Variants in MEGF6 observed in about 807,000 individuals in gnomAD.
MEGF6 encodes multiple EGF like domains 6, also known as multiple epidermal growth factor-like domains protein 6.
MEGF6 carries 184 observed loss-of-function variants against 207.1 expected under a neutral mutation model. That is an observed-to-expected ratio of 0.89 (90% CI 0.79 to 1.00). The LOEUF (loss-of-function observed/expected upper bound fraction) is 1.00. MEGF6 is among the 50% of genes least tolerant of loss of function. MEGF6 has a pLI of 0.00. For missense variants in MEGF6, 2,282 were observed against 2,202.9 expected (o/e 1.04, Z -0.72); for synonymous variants, 1,038 against 910.0 (o/e 1.14, Z -2.53).
chr1:3,490,692 C>G (rs2100799874), intron 36 of MEGF6, 103 bp from the exon 37 acceptor site: 1 of 1,264,252 alleles, frequency 7.9e-7, no homozygotes, highest in East Asian at 2.5e-5. Context: ...CTCCCTTCAG[C>G]AGCTCAGCCC....
At chr1:3,583,253 G>C (rs1643842914) in intron 3 of MEGF6, among the ~76,000 whole-genome samples, 1 of 151,914 alleles carries the variant, frequency 6.6e-6, no homozygotes, top group Admixed American at 6.6e-5. Context: ...CCGCACTGCA[G>C]CATGTGCTGA....
At chr1:3,576,193 C>G (rs865851449) in intron 4 of MEGF6, among the ~76,000 whole-genome samples, 1 of 152,254 alleles carries the variant, frequency 6.6e-6, no homozygotes, top group African/African-American at 2.4e-5. Flanking sequence ...CTCCACCCTC[C>G]GGGCAGACAG....
rs141620055 is a variant in MEGF6 at position 3,580,812 on chromosome 1, G to A, written c.377-883C>T. Among the ~76,000 whole-genome samples, 229 of 152,230 alleles carry A rather than the reference G, an allele frequency of 1.5e-3. 1 individual carries two copies. The highest frequency in any genetic ancestry group is 5.2e-3 in the African/African-American group (217 of 41,540). ...CCTGAGGGGTGCTTGCTGGGTGACT[G>A]CATGGTCAGCACAGTGACCTGAGAC... On this transcript the variant is annotated intron_variant, in intron 3 of 36. Transcript: ENST00000356575.
At chr1:3,521,770 C>T (rs1022838484) in intron 5 of MEGF6, among the ~76,000 whole-genome samples, 3 of 152,204 alleles carry the variant, frequency 2.0e-5, no homozygotes, top group Non-Finnish European at 2.9e-5. Context: ...CCCAGGAACT[C>T]GCCATCTGGT....
intron 5 of MEGF6, among the ~76,000 whole-genome samples, chr1:3,516,732 AG>A (rs923073070): frequency 6.6e-6 from 1 of 152,192 alleles, no homozygotes; most frequent in Non-Finnish European, 1.5e-5. Flanking sequence ...GAGAAGGCAA[AG>A]CCCCCTCAGA....
upstream of MEGF6, among the ~76,000 whole-genome samples, chr1:3,613,940 C>T (rs1410283720): frequency 3.3e-5 from 5 of 152,064 alleles, no homozygotes; most frequent in Non-Finnish European, 7.4e-5. Context: ...TTGTGTTGAG[C>T]AGCTGGGGGA....
At chr1:3,518,478 C>A in intron 5 of MEGF6, among the ~76,000 whole-genome samples, 1 of 152,154 alleles carries the variant, frequency 6.6e-6, no homozygotes, top group East Asian at 1.9e-4. Flanking sequence ...GGTCTCTGCT[C>A]GAGGCGCAGC....
chr1:3,547,997 G>A (rs982522398), intron 4 of MEGF6, among the ~76,000 whole-genome samples: 2 of 152,104 alleles, frequency 1.3e-5, no homozygotes, highest in Non-Finnish European at 2.9e-5. Context: ...CACCCCTGCT[G>A]AACTGCACCA....
intron 4 of MEGF6, among the ~76,000 whole-genome samples, chr1:3,547,813 G>A (rs931568976): frequency 6.6e-6 from 1 of 152,188 alleles, no homozygotes; most frequent in Non-Finnish European, 1.5e-5. Context: ...GCCTGGTTCA[G>A]GCAGCAGGAC....
rs116097279 is a variant in MEGF6 at position 3,500,488 on chromosome 1, C to T, written c.2707+145G>A. 6,405 of 1,233,834 alleles carry T rather than the reference C, an allele frequency of 5.2e-3. 256 individuals are homozygous for T. In the African/African-American group the frequency reaches 0.085, roughly 16 times the overall value. The allele number at this position is 1,233,834 out of a possible 1,614,324, so 76.4% of individuals were successfully genotyped here. Reference sequence around the variant, plus strand: ...CTGCACGTTTTGGTGGGTGTGTGCGCGCACAGGAGGGGGCGCGGCCAAAGG... The same window carrying T: ...CTGCACGTTTTGGTGGGTGTGTGCGTGCACAGGAGGGGGCGCGGCCAAAGG... On this transcript the variant is annotated intron_variant, in intron 21 of 36. Transcript: ENST00000356575.
chr1:3,602,317 C>G, intron 2 of MEGF6, 149 bp downstream of exon 2: 1 of 1,246,498 alleles, frequency 8.0e-7, no homozygotes, highest in Non-Finnish European at 1.1e-6. Flanking sequence ...TGGGAGAGGC[C>G]TCATGCTCAG....
At chr1:3,608,725 T>A (rs1238467426) in intron 1 of MEGF6, among the ~76,000 whole-genome samples, 1 of 152,022 alleles carries the variant, frequency 6.6e-6, no homozygotes, top group Non-Finnish European at 1.5e-5. Context: ...GCCCTGCGGG[T>A]CCATGCCTTA....
chr1:3,531,499 G>C, intron 4 of MEGF6: 1 of 1,061,588 alleles, frequency 9.4e-7, no homozygotes, highest in South Asian at 4.4e-5. Flanking sequence ...ACAACCGAGG[G>C]AGCCGCCCCC....
intron 4 of MEGF6, among the ~76,000 whole-genome samples, chr1:3,559,875 G>C (rs967682317): frequency 1.3e-5 from 2 of 152,132 alleles, no homozygotes; most frequent in African/African-American, 4.8e-5. Flanking sequence ...GCTGGGCATG[G>C]TGGCAAGTGC....
chr1:3,592,689 C>T (rs889056725), intron 3 of MEGF6, among the ~76,000 whole-genome samples: 28 of 152,266 alleles, frequency 1.8e-4, no homozygotes, highest in South Asian at 4.1e-4. Context: ...CCCGTGTGAA[C>T]CCTGACTCCT....
intron 4 of MEGF6, among the ~76,000 whole-genome samples, chr1:3,550,552 AAG>A (rs1233486319): frequency 1.3e-5 from 2 of 152,250 alleles, no homozygotes; most frequent in African/African-American, 4.8e-5. Flanking sequence ...TTTAAGAAAA[AAG>A]AGAAAAACGT....
chr1:3,493,016 T>G, intron 34 of MEGF6: 1 of 538,924 alleles, frequency 1.9e-6, no homozygotes, highest in South Asian at 2.6e-5. Context: ...CAGGCACACG[T>G]CCAGAGTCAC....
At position 3,499,906 on chromosome 1, in the gene MEGF6, A is replaced by G; in HGVS notation, c.2726T>C (p.Phe909Ser). Residue 909 changes from phenylalanine to serine, a missense_variant, in exon 22 of 37, where the codon TTT becomes TCT. Coordinates refer to ENST00000356575, the MANE Select transcript of MEGF6 (RefSeq NM_001409.4). ...GCACCGCTGCTCACAGCCGGGCCCA[A>G]AGTGGCCCTGGGGACACTCTGAGAT... is the stretch of plus-strand genomic sequence containing the variant. Reference protein sequence around the residue: ...RCEQQCPQGHFGPGCEQRCQC... With the variant: ...RCEQQCPQGHSGPGCEQRCQC... 3 of 1,562,846 alleles carry G rather than the reference A, an allele frequency of 1.9e-6. No individual in the cohort carries two copies. Among genetic ancestry groups the G allele is most frequent in the Non-Finnish European group, 2.6e-6 (3 of 1,154,562 alleles).
intron 33 of MEGF6, 27 bp downstream of exon 33, chr1:3,493,969 G>A: frequency 6.3e-7 from 1 of 1,587,380 alleles, no homozygotes; most frequent in Non-Finnish European, 8.6e-7. Flanking sequence ...CAGGGAGCGG[G>A]GGTTCAGGGA....
Sources: gnomAD v4.1 joint callset for allele counts (sites outside exome capture counted in the v4.1 genomes callset) on GRCh38, gnomAD v4.1.1 for gene constraint, MANE v1.5 for transcripts, NCBI Gene and HGNC (gene_info 2026-07-23, HGNC 2026-07-21) for gene names.